RNF151: variants seen among roughly 807,000 people sequenced by gnomAD.
RNF151 encodes ring finger protein 151.
Under a neutral mutation model 11.1 loss-of-function variants are expected in RNF151, and 9 were observed. The observed-to-expected ratio is 0.81, with a 90% CI of 0.49 to 1.42. RNF151 has a LOEUF of 1.42. RNF151 is among the 40% of genes most tolerant of loss of function. RNF151 has a pLI of 0.00. For missense variants in RNF151, 372 were observed against 342.9 expected, an observed-to-expected ratio of 1.08 and a Z score of -0.67; for synonymous variants, 172 against 140.7, an observed-to-expected ratio of 1.22 and a Z score of -1.58.
At chr16:1,967,191 A>C (rs545158419) in intron 1 of RNF151, 83 bp from the exon 2 acceptor site, 4 of 1,516,608 alleles carry the variant, frequency 2.6e-6, no homozygotes, top group African/African-American at 1.4e-5. Context: ...CCCTGCCAAA[A>C]GCTTGCTGGG....
At chr16:1,967,007 CAT>C in intron 1 of RNF151, 123 bp downstream of exon 1, 1 of 1,201,042 alleles carries the variant, frequency 8.3e-7, no homozygotes, top group Non-Finnish European at 1.2e-6. Context: ...TGCAGACCCC[CAT>C]ATGGTACAAG....
intron 2 of RNF151, 140 bp downstream of exon 2, chr16:1,967,559 G>C: frequency 1.0e-6 from 1 of 963,160 alleles, no homozygotes; most frequent in Non-Finnish European, 1.6e-6. Context: ...CCCTCACTCA[G>C]TAGTGTCTGC....
rs768069028 is a variant in RNF151 at position 1,967,286 on chromosome 16, G to A, written c.16G>A (p.Asp6Asn). Residue 6 changes from aspartate (D) to asparagine (N), a missense_variant, in exon 2 of 4, where the codon GAT becomes AAT. By Grantham distance (23) the Asp-to-Asn change is conservative. Transcript: ENST00000569714. ...CTGGCCTTTGCAGGGTGGCGGGTAT[G>A]ATCTCAACCTCTTCGCCAGCCCTCC... MGGGYDLNLFASPPDS... is the reference protein window; with the variant it reads MGGGYNLNLFASPPDS... The A allele has an allele frequency of 1.9e-6, 3 of 1,613,264 alleles. No homozygotes were observed. Among genetic ancestry groups the A allele is most frequent in the East Asian group, 4.5e-5 (2 of 44,876 alleles).
In RNF151 at chr16:1,968,522, C is replaced by T. The variant is rs1367735280; in HGVS notation, c.335C>T (p.Ala112Val). ...HQDSCPFELT[A>V]CPNEGCTSQV... ...GACTCATGCCCCTTTGAGCTAACGG[C>T]CTGCCCCAACGAGGGCTGCACCTCG... is the stretch of plus-strand genomic sequence containing the variant. The change falls in exon 4 of 4, where the codon GCC becomes GTC. Residue 112 changes from alanine (A) to valine (V), a missense_variant. By Grantham distance (64) the Ala-to-Val change is moderately conservative (BLOSUM62 0). Coordinates refer to ENST00000569714, the MANE Select transcript of RNF151 (RefSeq NM_174903.6). 3.7e-6 allele frequency: 6 copies of T among 1,609,158 alleles called. No individual in the cohort carries two copies. The highest frequency in any genetic ancestry group is 5.1e-6 in the Non-Finnish European group (6 of 1,178,320).
chr16:1,968,433 G>C lies in RNF151; in HGVS notation c.247-1G>C. The C allele has an allele frequency of 6.5e-7, 1 of 1,548,630 alleles. No individual in the cohort carries two copies. Among genetic ancestry groups the C allele is most frequent in the Non-Finnish European group, 8.8e-7 (1 of 1,142,666 alleles). ...CTTCACACGTTCTCCTTCACCCTCA[G>C]TGCAAGAACGCCGACGCTGGCTGCA... On this transcript the variant is annotated splice_acceptor_variant, in intron 3 of 3. Transcript: ENST00000569714. LOFTEE classifies it high-confidence loss of function.
intron 3 of RNF151, 144 bp from the exon 4 acceptor site, chr16:1,968,290 C>T (rs1429515171): frequency 2.9e-6 from 3 of 1,047,584 alleles, no homozygotes; most frequent in Non-Finnish European, 1.3e-6. Context: ...GGCATTTGCC[C>T]CAGTGTTCTC....
chr16:1,967,739 C>G lies in RNF151; in HGVS notation c.164C>G (p.Pro55Arg). The change falls in exon 3 of 4, where the codon CCG (proline) becomes CGG (arginine). Residue 55 changes from proline (P) to arginine (R), a missense_variant. By Grantham distance (103) the Pro-to-Arg change is moderately radical (BLOSUM62 -2). Transcript: ENST00000569714. The stretch of plus-strand genomic sequence containing the variant: ...CCTCCTTCCAGACAAAAGACCTGTC[C>G]GTGCTGTAGGAAAGAGGTGAAAAGG... Reference protein sequence around the residue: ...LRWLARQKTCPCCRKEVKRKK... With the variant: ...LRWLARQKTCRCCRKEVKRKK... 3 of 1,610,722 alleles carry G rather than the reference C, an allele frequency of 1.9e-6. No homozygotes were observed. Among genetic ancestry groups the G allele is most frequent in the Non-Finnish European group, 2.5e-6 (3 of 1,178,512 alleles).
intron 3 of RNF151, 46 bp from the exon 4 acceptor site, chr16:1,968,388 G>A (rs1051413295): frequency 1.0e-5 from 15 of 1,473,664 alleles, no homozygotes; most frequent in African/African-American, 1.4e-5. Context: ...GGGGGATTCC[G>A]TGGGTGTCCT....
At position 1,968,631 on chromosome 16, in the gene RNF151, C is replaced by A; in HGVS notation, c.444C>A (p.Ala148=). ...SQQRCPLGCG[A]TLDPAERARH... ...AGCGCTGCCCCCTGGGCTGCGGGGC[C>A]ACCCTGGACCCGGCCGAGCGTGCTC... Residue 148 remains alanine, a synonymous_variant, in exon 4 of 4, where the codon GCC becomes GCA. Transcript: ENST00000569714. 6.4e-7 allele frequency: 1 copy of A among 1,568,606 alleles called. No homozygotes were observed. The highest frequency in any genetic ancestry group is 1.4e-5 in the African/African-American group (1 of 73,714).
In RNF151 at chr16:1,967,751, A is replaced by G; in HGVS notation, c.176A>G (p.Lys59Arg). 2 of 1,612,034 alleles carry G rather than the reference A, an allele frequency of 1.2e-6. No individual in the cohort carries two copies. Among genetic ancestry groups the G allele is most frequent in the Non-Finnish European group, 1.7e-6 (2 of 1,179,144 alleles). ...CAAAAGACCTGTCCGTGCTGTAGGA[A>G]AGAGGTGAAAAGGAAAAAGGTTGTC... ...ARQKTCPCCR[K>R]EVKRKKVVHM... is the part of the protein sequence containing the mutation. Residue 59 changes from lysine (K) to arginine (R), a missense_variant, in exon 3 of 4, where the codon AAA becomes AGA. Lys to Arg is a conservative substitution (Grantham distance 26). Transcript: ENST00000569714.
Position 1,968,752 on chromosome 16 carries a change from C to T in RNF151, c.565C>T (p.Leu189=), listed in dbSNP as rs771456550. 1.3e-6 allele frequency: 2 copies of T among 1,580,178 alleles called. No individual in the cohort carries two copies. Among genetic ancestry groups the T allele is most frequent in the Admixed American group, 3.6e-5 (2 of 55,036 alleles). The change falls in exon 4 of 4, where the codon CTG becomes TTG. Residue 189 remains leucine, a synonymous_variant. Coordinates refer to ENST00000569714, the MANE Select transcript of RNF151 (RefSeq NM_174903.6). ...LLSLLRRVRW[L]DQATSVVRRE... Reference sequence around the variant, plus strand: ...GTCCCTCCTGCGGCGTGTGCGCTGGCTGGACCAAGCCACCAGTGTCGTTCG... The same window carrying T: ...GTCCCTCCTGCGGCGTGTGCGCTGGTTGGACCAAGCCACCAGTGTCGTTCG...
In RNF151 at chr16:1,967,788, A is replaced by G. The variant is rs1167650099; in HGVS notation, c.213A>G (p.Lys71=). The change falls in exon 3 of 4, where the codon AAA becomes AAG. Residue 71 remains lysine (K), a synonymous_variant. Transcript: ENST00000569714. The part of the protein sequence containing the change: ...VKRKKVVHMN[K]LRKTIGRLEV... The stretch of plus-strand genomic sequence containing the variant: ...GGAAAAAGGTTGTCCACATGAATAA[A>G]CTCCGGAAAACCATTGGCCGCCTGG... 1 of 1,610,958 alleles carries G rather than the reference A, an allele frequency of 6.2e-7. No individual in the cohort carries two copies. The highest frequency in any genetic ancestry group is 1.3e-5 in the African/African-American group (1 of 74,780).
Position 1,968,794 on chromosome 16 carries a change from C to G in RNF151, c.607C>G (p.Leu203Val), listed in dbSNP as rs750076812. The G allele has an allele frequency of 2.5e-6, 4 of 1,592,316 alleles. No homozygotes were observed. The Admixed American group carries it at 5.3e-5, about 21-fold the overall frequency. Reference protein sequence around the residue: ...TSVVRRELAELSNFLEEDTAL... With the variant: ...TSVVRRELAEVSNFLEEDTAL... ...TGTCGTTCGTAGAGAGCTGGCGGAG[C>G]TCAGCAACTTCCTGGAGGAAGACAC... The change falls in exon 4 of 4, where the codon CTC (leucine) becomes GTC (valine). Residue 203 changes from leucine (L) to valine (V), a missense_variant. Physicochemically the swap from Leu to Val is conservative, Grantham distance 32. Transcript: ENST00000569714.
At chr16:1,967,939 G>A (rs1277546573) in intron 3 of RNF151, 118 bp downstream of exon 3, 1 of 780,650 alleles carries the variant, frequency 1.3e-6, no homozygotes. Flanking sequence ...GTGCAGCCTT[G>A]GGACGACCAG....
chr16:1,968,626 G>A lies in RNF151; in HGVS notation c.439G>A (p.Gly147Arg), dbSNP rs574883995. 33 of 1,570,292 alleles carry A rather than the reference G, an allele frequency of 2.1e-5. No homozygotes were observed. In the East Asian group the frequency reaches 3.8e-4, roughly 18 times the overall value. The change falls in exon 4 of 4, where the codon GGG (glycine) becomes AGG (arginine). Residue 147 changes from glycine to arginine, a missense_variant. Physicochemically the swap from Gly to Arg is moderately radical, Grantham distance 125 (BLOSUM62 -2). Transcript: ENST00000569714. ...GSQQRCPLGCGATLDPAERAR... is the reference protein window; with the variant it reads ...GSQQRCPLGCRATLDPAERAR... ...CCAGCAGCGCTGCCCCCTGGGCTGC[G>A]GGGCCACCCTGGACCCGGCCGAGCG...
intron 1 of RNF151, 45 bp from the exon 2 acceptor site, chr16:1,967,229 A>T: frequency 6.3e-7 from 1 of 1,590,860 alleles, no homozygotes; most frequent in East Asian, 2.2e-5. Flanking sequence ...TGGACCAGGG[A>T]CTGGATCACT....
Position 1,968,470 on chromosome 16 carries a change from C to A in RNF151, c.283C>A (p.Pro95Thr), listed in dbSNP as rs1159033418. ...CGACGCTGGCTGCATAGTGACATGC[C>A]CCCTGGCCCATCGCAAGGGGCACCA... The part of the protein sequence containing the change: ...NADAGCIVTC[P>T]LAHRKGHQDS... Residue 95 changes from proline (P) to threonine (T), a missense_variant, in exon 4 of 4, where the codon CCC (proline) becomes ACC (threonine). By Grantham distance (38) the Pro-to-Thr change is conservative (BLOSUM62 -1). Coordinates refer to ENST00000569714, the MANE Select transcript of RNF151 (RefSeq NM_174903.6). 1.9e-6 allele frequency: 3 copies of A among 1,585,886 alleles called. No individual in the cohort carries two copies. The highest frequency in any genetic ancestry group is 2.6e-6 in the Non-Finnish European group (3 of 1,163,036).
chr16:1,968,605 C>T lies in RNF151; in HGVS notation c.418C>T (p.Gln140Ter). Residue 140 changes from glutamine (Q) to a stop codon, truncating the protein, a stop_gained, in exon 4 of 4, where the codon CAG (glutamine) becomes TAG (stop). Transcript: ENST00000569714. LOFTEE classifies it low-confidence loss of function (END_TRUNC). Reference sequence around the variant, plus strand: ...GCAGCATTGCCAGCAAGGGTCCCAGCAGCGCTGCCCCCTGGGCTGCGGGGC... The same window carrying T: ...GCAGCATTGCCAGCAAGGGTCCCAGTAGCGCTGCCCCCTGGGCTGCGGGGC... ...HRQHCQQGSQ[Q>*]RCPLGCGATL... 6.3e-7 allele frequency: 1 copy of T among 1,580,182 alleles called. No homozygotes were observed. Among genetic ancestry groups the T allele is most frequent in the Non-Finnish European group, 8.6e-7 (1 of 1,164,310 alleles).
chr16:1,968,650 C>A lies in RNF151; in HGVS notation c.463C>A (p.Arg155Ser). The change falls in exon 4 of 4, where the codon CGT becomes AGT. Residue 155 changes from arginine (R) to serine (S), a missense_variant. Transcript: ENST00000569714. ...CGGGGCCACCCTGGACCCGGCCGAG[C>A]GTGCTCGCCACAACTGCTACCGGGA... ...GCGATLDPAERARHNCYRELH... is the reference protein window; with the variant it reads ...GCGATLDPAESARHNCYRELH... 1 of 1,566,218 alleles carries A rather than the reference C, an allele frequency of 6.4e-7. No individual in the cohort carries two copies. Among genetic ancestry groups the A allele is most frequent in the Non-Finnish European group, 8.6e-7 (1 of 1,156,502 alleles).
Sources: gnomAD v4.1 joint callset for allele counts on GRCh38, gnomAD v4.1.1 for gene constraint, MANE v1.5 for transcripts, NCBI Gene and HGNC (gene_info 2026-07-23, HGNC 2026-07-21) for gene names.